Variants in WWOX observed in about 807,000 individuals in gnomAD.
WWOX encodes the protein WW domain-containing oxidoreductase.
WWOX carries 69 observed loss-of-function variants against 46.2 expected under a neutral mutation model. The ratio of observed to expected loss-of-function variants is 1.49; its 90% confidence interval spans 1.23 to 1.82. WWOX has a LOEUF of 1.82. Ranked by LOEUF, WWOX falls within the 40% of genes most tolerant of loss-of-function variation. The pLI, the probability that WWOX is intolerant of heterozygous loss-of-function variation, is 0.00. For synonymous variants in WWOX, 359 were observed against 202.6 expected (o/e 1.77, Z -6.56); for missense variants, 919 against 542.6 (o/e 1.69, Z -6.89).
intron 1 of WWOX, among the ~76,000 whole-genome samples, chr16:78,102,321 T>C (rs1442677622): frequency 1.3e-5 from 2 of 152,080 alleles, no homozygotes; most frequent in Non-Finnish European, 2.9e-5. Context: ...GGGCCTGTGA[T>C]CTTTGTGAGG....
chr16:78,201,307 G>T (rs2036223016), intron 5 of WWOX, among the ~76,000 whole-genome samples: 1 of 152,144 alleles, frequency 6.6e-6, no homozygotes, highest in South Asian at 2.1e-4. Context: ...ATGTGGAAAG[G>T]CTAAGGTTGT....
chr16:79,042,728 G>GCTTTT (rs1555517210), intron 8 of WWOX, among the ~76,000 whole-genome samples: 1 of 143,126 alleles, frequency 7.0e-6, no homozygotes, highest in Admixed American at 7.0e-5. Context: ...AATACTCAGG[G>GCTTTT]TTTTTTTTTT....
At chr16:78,945,332 A>G (rs1207485701) in intron 8 of WWOX, among the ~76,000 whole-genome samples, 3 of 152,206 alleles carry the variant, frequency 2.0e-5, no homozygotes, top group Admixed American at 6.5e-5. Context: ...ATCTTCTTAA[A>G]TGTATAATCT....
intron 8 of WWOX, among the ~76,000 whole-genome samples, chr16:79,165,862 G>C (rs2050584034): frequency 6.6e-6 from 1 of 152,164 alleles, no homozygotes; most frequent in Non-Finnish European, 1.5e-5. Flanking sequence ...TTATAACTCA[G>C]TCTAAGCACC....
chr16:78,105,289 C>G (rs1044615993), intron 1 of WWOX, among the ~76,000 whole-genome samples: 1 of 152,078 alleles, frequency 6.6e-6, no homozygotes, highest in African/African-American at 2.4e-5. Context: ...TGGTGAAACC[C>G]CATCTCTACT....
At chr16:78,425,944 A>C (rs1345625054) in intron 7 of WWOX, among the ~76,000 whole-genome samples, 1 of 152,144 alleles carries the variant, frequency 6.6e-6, no homozygotes, top group Non-Finnish European at 1.5e-5. Context: ...TTTTAATCAT[A>C]CTTCCATAAA....
chr16:78,725,434 A>G (rs1045275248), intron 8 of WWOX, among the ~76,000 whole-genome samples: 1 of 131,346 alleles, frequency 7.6e-6, no homozygotes, highest in Non-Finnish European at 1.5e-5. Context: ...TGCAAACTCC[A>G]CTTCCCGGAT....
chr16:78,195,742 A>C (rs2036027894), intron 5 of WWOX, among the ~76,000 whole-genome samples: 1 of 149,934 alleles, frequency 6.7e-6, no homozygotes, highest in African/African-American at 2.5e-5. Flanking sequence ...GAATTGCTTG[A>C]ACTCTGGAGA....
chr16:78,397,656 A>G (rs1380065493), intron 6 of WWOX, among the ~76,000 whole-genome samples: 1 of 152,218 alleles, frequency 6.6e-6, no homozygotes, highest in Non-Finnish European at 1.5e-5. Context: ...TGAGTAAAAT[A>G]GATGATGGAC....
chr16:78,889,434 G>A (rs1434755281), intron 8 of WWOX, among the ~76,000 whole-genome samples: 3 of 145,182 alleles, frequency 2.1e-5, no homozygotes, highest in African/African-American at 2.6e-5. Flanking sequence ...AATGAAACGC[G>A]AGCCGACTTG....
intron 8 of WWOX, among the ~76,000 whole-genome samples, chr16:78,793,557 T>C (rs901119754): frequency 1.3e-5 from 2 of 152,222 alleles, no homozygotes; most frequent in Non-Finnish European, 2.9e-5. Flanking sequence ...TGATTCTGGT[T>C]ATTAGCATAA....
In WWOX at chr16:78,523,037, C is replaced by T. The variant is rs112208058; in HGVS notation, c.1056+90285C>T. 9.0e-3 allele frequency among the ~76,000 whole-genome samples: 1,373 copies of T among 152,068 alleles called. 19 individuals carry two copies. The highest frequency in any genetic ancestry group is 0.028 in the African/African-American group (1,181 of 41,476). On this transcript the variant is annotated intron_variant, in intron 8 of 8. Transcript: ENST00000566780. ...CAGTGAGCTGAGATCGTGCCACTGCCCTCCAGTCTGGGTGACAGAGTGAAA... is the reference window on the plus strand; with the variant it reads ...CAGTGAGCTGAGATCGTGCCACTGCTCTCCAGTCTGGGTGACAGAGTGAAA...
intron 8 of WWOX, among the ~76,000 whole-genome samples, chr16:78,827,403 GTC>G (rs1328735499): frequency 6.6e-6 from 1 of 152,114 alleles, no homozygotes; most frequent in Non-Finnish European, 1.5e-5. Context: ...TGGAGCTGGA[GTC>G]TCTGTGGCTC....
chr16:79,057,196 A>G (rs1422774465), intron 8 of WWOX, among the ~76,000 whole-genome samples: 1 of 152,024 alleles, frequency 6.6e-6, no homozygotes, highest in East Asian at 1.9e-4. Flanking sequence ...TTCTCCTTTT[A>G]ATGGTTGAGA....
intron 8 of WWOX, among the ~76,000 whole-genome samples, chr16:78,618,101 T>C (rs1033422355): frequency 6.6e-6 from 1 of 152,196 alleles, no homozygotes; most frequent in African/African-American, 2.4e-5. Context: ...ACTGTCCACA[T>C]TTTGCCTCTG....
At chr16:78,686,631 T>G (rs544872326) in intron 8 of WWOX, among the ~76,000 whole-genome samples, 1 of 152,294 alleles carries the variant, frequency 6.6e-6, no homozygotes, top group South Asian at 2.1e-4. Context: ...AACTCCTGTT[T>G]TAATTTGTTT....
At chr16:78,830,701 C>G (rs1351994878) in intron 8 of WWOX, among the ~76,000 whole-genome samples, 1 of 151,752 alleles carries the variant, frequency 6.6e-6, no homozygotes, top group African/African-American at 2.4e-5. Flanking sequence ...GTGCAGCTTT[C>G]TGGGCTGTTC....
chr16:79,061,878 A>G (rs981193349), intron 8 of WWOX, among the ~76,000 whole-genome samples: 1 of 152,184 alleles, frequency 6.6e-6, no homozygotes, highest in Non-Finnish European at 1.5e-5. Flanking sequence ...GGTAGACACT[A>G]TGATTCCCAT....
At chr16:78,944,271 A>G (rs1567666058) in intron 8 of WWOX, among the ~76,000 whole-genome samples, 1 of 152,114 alleles carries the variant, frequency 6.6e-6, no homozygotes, top group South Asian at 2.1e-4. Context: ...CCCCTACTTT[A>G]TCAGCATCTA....
Sources: allele counts gnomAD v4.1 joint callset (sites outside exome capture counted in the v4.1 genomes callset), GRCh38; gene constraint gnomAD v4.1.1; transcripts MANE v1.5; gene names NCBI Gene and HGNC (gene_info 2026-07-23, HGNC 2026-07-21).